The following CTNND2 variants were observed in gnomAD, a reference collection of about 807,000 sequenced individuals.
The protein encoded by CTNND2 is catenin delta 2.
In CTNND2, 22 loss-of-function variants were observed where a neutral mutation model predicts 144.4. The ratio of observed to expected loss-of-function variants is 0.15; its 90% CI spans 0.11 to 0.22. CTNND2 has a LOEUF of 0.22. CTNND2 is among the 10% of genes least tolerant of loss of function. CTNND2 has a pLI of 1.00. For synonymous variants in CTNND2, 751 were observed against 695.6 expected (o/e 1.08, Z -1.25); for missense variants, 1,353 against 1,618.8 (o/e 0.84, Z 2.82).
At chr5:11,604,255 T>C (rs1020220046) in intron 2 of CTNND2, among the ~76,000 whole-genome samples, 1 of 152,232 alleles carries the variant, frequency 6.6e-6, no homozygotes, top group African/African-American at 2.4e-5. Flanking sequence ...TGAGGCAACC[T>C]GTGACCCATG....
intron 2 of CTNND2, among the ~76,000 whole-genome samples, chr5:11,587,377 ATACT>A (rs1177214431): frequency 6.6e-6 from 1 of 152,076 alleles, no homozygotes; most frequent in Non-Finnish European, 1.5e-5. Context: ...TTGAAATGAA[ATACT>A]TAGTAAGAGA....
In CTNND2 at chr5:11,476,126, A is replaced by T. The variant is rs143434882; in HGVS notation, c.288-64057T>A. Among the ~76,000 whole-genome samples the T allele has an allele frequency of 5.6e-3, 836 of 150,428 alleles. 13 individuals carry two copies. The highest frequency in any genetic ancestry group is 0.019 in the African/African-American group (792 of 40,888). ...ACTCAAGTTATCCGCCCACCTCGGCATCCCAAAGTGCTGGGATTACAGGTA... is the reference window on the plus strand; with the variant it reads ...ACTCAAGTTATCCGCCCACCTCGGCTTCCCAAAGTGCTGGGATTACAGGTA... On this transcript the variant is annotated intron_variant, in intron 3 of 21. Coordinates refer to ENST00000304623, the MANE Select transcript of CTNND2 (RefSeq NM_001332.4).
intron 2 of CTNND2, among the ~76,000 whole-genome samples, chr5:11,593,455 C>T (rs1054713038): frequency 3.9e-5 from 6 of 152,092 alleles, no homozygotes; most frequent in African/African-American, 1.4e-4. Flanking sequence ...AATTGGCAAA[C>T]GATTGATATA....
At chr5:11,002,534 T>C (rs1450249461) in intron 18 of CTNND2, among the ~76,000 whole-genome samples, 1 of 151,532 alleles carries the variant, frequency 6.6e-6, no homozygotes. Flanking sequence ...GAGGGGAGAG[T>C]GAATATTTCA....
intron 5 of CTNND2, among the ~76,000 whole-genome samples, chr5:11,399,241 C>G (rs749821295): frequency 7.9e-5 from 12 of 152,120 alleles, no homozygotes; most frequent in South Asian, 2.1e-4. Flanking sequence ...CTCTCCTCCC[C>G]CCTTGAGATA....
At chr5:11,013,171 C>T (rs761913676) in intron 18 of CTNND2, among the ~76,000 whole-genome samples, 7 of 152,166 alleles carry the variant, frequency 4.6e-5, no homozygotes, top group South Asian at 2.1e-4. Flanking sequence ...CAGAGGAATC[C>T]GTAAGATCTC....
chr5:11,264,482 G>A (rs1449867779), intron 9 of CTNND2, among the ~76,000 whole-genome samples: 1 of 152,192 alleles, frequency 6.6e-6, no homozygotes, highest in Non-Finnish European at 1.5e-5. Flanking sequence ...GGTGAGGGAA[G>A]TGAGGTTGAA....
At chr5:11,385,847 C>A (rs1759034531) in intron 6 of CTNND2, 2 of 129,628 alleles carry the variant, frequency 1.5e-5, no homozygotes, top group South Asian at 5.8e-4. Context: ...AGAATGAATT[C>A]GCTTCGTCTT....
At chr5:11,308,042 C>G (rs1002647587) in intron 9 of CTNND2, among the ~76,000 whole-genome samples, 1 of 152,186 alleles carries the variant, frequency 6.6e-6, no homozygotes, top group African/African-American at 2.4e-5. Flanking sequence ...GCCCTCACCA[C>G]ACAACGAACG....
chr5:11,486,171 A>T (rs1014100817), intron 3 of CTNND2, among the ~76,000 whole-genome samples: 3 of 152,224 alleles, frequency 2.0e-5, no homozygotes, highest in African/African-American at 7.2e-5. Flanking sequence ...CATTGCCAGG[A>T]GGATGAGATA....
chr5:11,095,871 C>G (rs1267383419), intron 15 of CTNND2, among the ~76,000 whole-genome samples: 6 of 151,842 alleles, frequency 4.0e-5, no homozygotes, highest in African/African-American at 1.2e-4. Flanking sequence ...GCCTGGGGCT[C>G]CTTGAGCTGC....
At chr5:11,550,146 G>A (rs1365790661) in intron 3 of CTNND2, among the ~76,000 whole-genome samples, 1 of 152,100 alleles carries the variant, frequency 6.6e-6, no homozygotes, top group Non-Finnish European at 1.5e-5. Context: ...GATTTCTGAG[G>A]TAACTGTTAT....
chr5:11,780,246 C>G (rs186534306), intron 1 of CTNND2, among the ~76,000 whole-genome samples: 1 of 152,302 alleles, frequency 6.6e-6, no homozygotes, highest in African/African-American at 2.4e-5. Context: ...GCCACCCAAT[C>G]CTGAGCCCCT....
chr5:11,235,981 A>C (rs1198438989), intron 10 of CTNND2, among the ~76,000 whole-genome samples: 1 of 152,218 alleles, frequency 6.6e-6, no homozygotes, highest in Non-Finnish European at 1.5e-5. Flanking sequence ...AAAAATGACT[A>C]CTCAGTTCCT....
At chr5:10,975,433 T>C (rs1214770388) in intron 21 of CTNND2, among the ~76,000 whole-genome samples, 2 of 152,214 alleles carry the variant, frequency 1.3e-5, no homozygotes, top group African/African-American at 4.8e-5. Flanking sequence ...TAATCTATCA[T>C]CTGTCTGTCT....
chr5:11,487,827 G>T (rs115049487), intron 3 of CTNND2, among the ~76,000 whole-genome samples: 1 of 152,082 alleles, frequency 6.6e-6, no homozygotes, highest in African/African-American at 2.4e-5. Context: ...AATTGACCAC[G>T]GTGGGAGTAT....
At chr5:11,619,735 TCA>T (rs1475775141) in intron 2 of CTNND2, among the ~76,000 whole-genome samples, 1 of 152,200 alleles carries the variant, frequency 6.6e-6, no homozygotes, top group South Asian at 2.1e-4. Context: ...CTAAAATATC[TCA>T]GTTTCTTAAT....
At chr5:11,389,217 G>C (rs567459705) in intron 6 of CTNND2, among the ~76,000 whole-genome samples, 36 of 152,254 alleles carry the variant, frequency 2.4e-4, no homozygotes, top group African/African-American at 8.2e-4. Flanking sequence ...CCTTCAAAAT[G>C]AGGAACCCAT....
Position 11,436,096 on chromosome 5 carries a change from G to C in CTNND2, c.288-24027C>G, listed in dbSNP as rs912901567. Among the ~76,000 whole-genome samples, 9 of 152,188 alleles carry C rather than the reference G, an allele frequency of 5.9e-5. 1 individual carries two copies. The East Asian group carries it at 1.7e-3, about 29-fold the overall frequency. On this transcript the variant is annotated intron_variant, in intron 3 of 21. Transcript: ENST00000304623. The stretch of plus-strand genomic sequence containing the variant: ...GACTCCCTTTGCTTCCTGAGCGCTT[G>C]CTCTCGGGGGCTGGCACAGTGGGAG...
Sources: gnomAD v4.1 joint callset for allele counts (sites outside exome capture counted in the v4.1 genomes callset) on GRCh38, gnomAD v4.1.1 for gene constraint, MANE v1.5 for transcripts, NCBI Gene and HGNC (gene_info 2026-07-23, HGNC 2026-07-21) for gene names.